MYL1: variants seen among roughly 807,000 people sequenced by gnomAD.
MYL1 encodes myosin light chain 1/3, skeletal muscle isoform.
MYL1 carries 16 observed loss-of-function variants against 21.8 expected under a neutral mutation model. That is an observed-to-expected ratio of 0.74 (90% CI 0.50 to 1.12). The LOEUF (loss-of-function observed/expected upper bound fraction) is 1.12, where lower values mean the gene tolerates loss of function less well. MYL1 is among the 50% of genes most tolerant of loss of function. The pLI, the probability that MYL1 is intolerant of heterozygous loss-of-function variation, is 0.00. For synonymous variants in MYL1, 99 were observed against 85.2 expected, an observed-to-expected ratio of 1.16 and a Z score of -0.89; for missense variants, 246 against 241.0, an observed-to-expected ratio of 1.02 and a Z score of -0.14.
chr2:210,298,749 AG>A (rs1486269279), intron 2 of MYL1, among the ~76,000 whole-genome samples, 186 bp from the exon 3 acceptor site: 3 of 152,092 alleles, frequency 2.0e-5, no homozygotes, highest in Non-Finnish European at 4.4e-5. Flanking sequence ...ATTTCTTTTC[AG>A]GGTTATTTTA....
chr2:210,307,525 G>C (rs1282507102), intron 1 of MYL1, among the ~76,000 whole-genome samples: 1 of 152,070 alleles, frequency 6.6e-6, no homozygotes, highest in Non-Finnish European at 1.5e-5. Flanking sequence ...CCTTCCTTTA[G>C]ATTTTATATC....
rs79591218 is a variant in MYL1 at position 210,314,836 on chromosome 2, C to T, written c.132+75G>A. On this transcript the variant is annotated intron_variant, in intron 1 of 6. Transcript: ENST00000352451. Reference sequence around the variant, plus strand: ...GCTATTCCTCTCAATGAAAAATACACGCCTTTGCAAGTTCCTAGAGATCCT... The same window carrying T: ...GCTATTCCTCTCAATGAAAAATACATGCCTTTGCAAGTTCCTAGAGATCCT... 8,322 of 1,511,448 alleles carry T rather than the reference C, an allele frequency of 5.5e-3. 209 individuals carry two copies. Among genetic ancestry groups the T allele is most frequent in the African/African-American group, 0.052 (3,719 of 72,212 alleles). 93.6% of individuals were successfully genotyped at this position (1,511,448 alleles called of 1,614,324 possible). A position where few individuals can be genotyped will look rare whatever the true frequency, so the allele number is the denominator to read the frequency against.
At chr2:210,313,873 A>G (rs1369545439) in intron 1 of MYL1, among the ~76,000 whole-genome samples, 1 of 152,102 alleles carries the variant, frequency 6.6e-6, no homozygotes, top group East Asian at 1.9e-4. Context: ...GTAAATTGGC[A>G]AAATTGAGAT....
chr2:210,307,853 G>A (rs1339749624), intron 1 of MYL1, among the ~76,000 whole-genome samples: 1 of 152,066 alleles, frequency 6.6e-6, no homozygotes, highest in Non-Finnish European at 1.5e-5. Flanking sequence ...AGTAATTGCG[G>A]CTTTGCCATT....
At chr2:210,311,618 T>C (rs1690421180) in intron 1 of MYL1, among the ~76,000 whole-genome samples, 1 of 152,096 alleles carries the variant, frequency 6.6e-6, no homozygotes, top group Admixed American at 6.6e-5. Context: ...AATGCATGCA[T>C]CATGCAGAAA....
chr2:210,312,727 T>A (rs552300483), intron 1 of MYL1, among the ~76,000 whole-genome samples: 8 of 151,998 alleles, frequency 5.3e-5, no homozygotes, highest in Admixed American at 2.6e-4. Flanking sequence ...AGATAAAGGT[T>A]ATTTTTTTTC....
intron 2 of MYL1, among the ~76,000 whole-genome samples, chr2:210,299,151 G>A (rs995034789): frequency 6.6e-6 from 1 of 152,050 alleles, no homozygotes; most frequent in Admixed American, 6.6e-5. Context: ...ACTCTATTAG[G>A]CTCCTCGTAT....
intron 2 of MYL1, among the ~76,000 whole-genome samples, chr2:210,300,827 G>A (rs977658537): frequency 6.6e-6 from 1 of 152,094 alleles, no homozygotes; most frequent in African/African-American, 2.4e-5. Flanking sequence ...CTTCAATCCT[G>A]TGATAGATTC....
chr2:210,299,157 C>T (rs1026707197), intron 2 of MYL1, among the ~76,000 whole-genome samples: 23 of 152,104 alleles, frequency 1.5e-4, no homozygotes, highest in African/African-American at 5.1e-4. Flanking sequence ...TTAGGCTCCT[C>T]GTATAATCAG....
At chr2:210,314,323 C>T (rs1209206057) in intron 1 of MYL1, among the ~76,000 whole-genome samples, 1 of 152,126 alleles carries the variant, frequency 6.6e-6, no homozygotes, top group Non-Finnish European at 1.5e-5. Flanking sequence ...GTCACTGAAA[C>T]ACTTGAGTGC....
chr2:210,297,073 G>A (rs1355943195), intron 3 of MYL1, among the ~76,000 whole-genome samples: 1 of 148,972 alleles, frequency 6.7e-6, no homozygotes, highest in Non-Finnish European at 1.5e-5. Context: ...CCATTCATCT[G>A]TTGATGGACA....
At chr2:210,292,835 C>G (rs558472768) in intron 5 of MYL1, among the ~76,000 whole-genome samples, 1 of 152,156 alleles carries the variant, frequency 6.6e-6, no homozygotes, top group South Asian at 2.1e-4. Context: ...GATGACTGTC[C>G]ACTTGTTCAA....
chr2:210,296,782 A>C (rs1329764884), intron 3 of MYL1, among the ~76,000 whole-genome samples: 1 of 152,034 alleles, frequency 6.6e-6, no homozygotes, highest in Non-Finnish European at 1.5e-5. Context: ...ACTTCTGGCT[A>C]TCTCTTATTC....
rs374726336 is a variant in MYL1 at position 210,315,031 on chromosome 2, C to A, written c.12G>T (p.Lys4Asn). 1 of 1,593,230 alleles carries A rather than the reference C, an allele frequency of 6.3e-7. No individual in the cohort carries two copies. Among genetic ancestry groups the A allele is most frequent in the Non-Finnish European group, 8.5e-7 (1 of 1,174,520 alleles). The change falls in exon 1 of 7, where the codon AAG becomes AAT. Residue 4 changes from lysine (K) to asparagine (N), a missense_variant. Transcript: ENST00000352451. The stretch of plus-strand genomic sequence containing the variant: ...CAGCCACAGGTTTCTTCACGTCTTT[C>A]TTTGGTGCCATTTTTTTTTTTAAAA... MAPKKDVKKPVAAA... is the reference protein window; with the variant it reads MAPNKDVKKPVAAA...
chr2:210,315,075 A>G lies in MYL1; in HGVS notation c.-33T>C. On this transcript the variant is annotated 5_prime_UTR_variant, in exon 1 of 7. Transcript: ENST00000352451. ...TTTAAAAGGGTGGGTTAAAAAGAGA[A>G]GGAGTTCCTCCAAAAGAACCTGTCA... 1 of 1,587,790 alleles carries G rather than the reference A, an allele frequency of 6.3e-7. No individual in the cohort carries two copies. The highest frequency in any genetic ancestry group is 8.5e-7 in the Non-Finnish European group (1 of 1,173,962).
chr2:210,297,028 T>TATAC (rs1690184828), intron 3 of MYL1, among the ~76,000 whole-genome samples: 2 of 148,682 alleles, frequency 1.3e-5, no homozygotes, highest in Non-Finnish European at 3.0e-5. Flanking sequence ...CATATATATA[T>TATAC]ATATATATAC....
At position 210,315,118 on chromosome 2, in the gene MYL1, G is replaced by C. The variant is rs923525253; in HGVS notation, c.-76C>G. The C allele has an allele frequency of 1.3e-6, 2 of 1,559,220 alleles. No individual in the cohort carries two copies. Among genetic ancestry groups the C allele is most frequent in the Non-Finnish European group, 1.7e-6 (2 of 1,158,486 alleles). On this transcript the variant is annotated 5_prime_UTR_variant, in exon 1 of 7. Coordinates refer to ENST00000352451, the MANE Select transcript of MYL1 (RefSeq NM_079420.3). ...ACCTGTCAAAATGATTCTTGGAAGA[G>C]GAGTGGTGGTTGGGTTGATCCACAG...
chr2:210,309,159 A>G (rs192972962), intron 1 of MYL1, among the ~76,000 whole-genome samples: 3 of 152,204 alleles, frequency 2.0e-5, no homozygotes, highest in South Asian at 4.1e-4. Context: ...TGTTTCTACA[A>G]TGTTGTGAGT....
At chr2:210,311,694 C>T (rs1469888790) in intron 1 of MYL1, among the ~76,000 whole-genome samples, 1 of 152,012 alleles carries the variant, frequency 6.6e-6, no homozygotes, top group Non-Finnish European at 1.5e-5. Flanking sequence ...CATTATTTTG[C>T]TTGGTTGCAG....
Sources: gnomAD v4.1 joint callset for allele counts (sites outside exome capture counted in the v4.1 genomes callset) on GRCh38, gnomAD v4.1.1 for gene constraint, MANE v1.5 for transcripts, NCBI Gene and HGNC (gene_info 2026-07-23, HGNC 2026-07-21) for gene names.